The following SH3PXD2B variants were observed in gnomAD, a reference collection of about 807,000 sequenced individuals.
SH3PXD2B encodes the protein SH3 and PX domains 2B, also known as SH3 and PX domain-containing protein 2B.
SH3PXD2B carries 37 observed loss-of-function variants against 73.1 expected under a neutral mutation model. That is an observed-to-expected ratio of 0.51 (90% CI 0.39 to 0.67). The LOEUF is 0.67. Among genes scored for constraint, SH3PXD2B ranks in the 30% least tolerant of loss-of-function variants. The pLI is 0.00. For synonymous variants in SH3PXD2B, 457 were observed against 480.5 expected, an observed-to-expected ratio of 0.95 and a Z score of 0.64; for missense variants, 1,053 against 1,197.8, an observed-to-expected ratio of 0.88 and a Z score of 1.78.
intron 1 of SH3PXD2B, among the ~76,000 whole-genome samples, chr5:172,424,228 C>T (rs1759041436): frequency 6.6e-6 from 1 of 152,334 alleles, no homozygotes; most frequent in African/African-American, 2.4e-5. Flanking sequence ...AGTTGGGTTT[C>T]TGACCCACGT....
chr5:172,347,158 C>T lies in SH3PXD2B; in HGVS notation c.1062+125G>A. On this transcript the variant is annotated intron_variant, in intron 11 of 12. Coordinates refer to ENST00000311601, the MANE Select transcript of SH3PXD2B (RefSeq NM_001017995.3). ...ACTAGCATTTCTACAGCCTGCTTCACAAGGCTGTTGTGTGGACAGGAAAGA... is the reference window on the plus strand; with the variant it reads ...ACTAGCATTTCTACAGCCTGCTTCATAAGGCTGTTGTGTGGACAGGAAAGA... 3 of 952,712 alleles carry T rather than the reference C, an allele frequency of 3.1e-6. No individual in the cohort carries two copies. In the South Asian group the frequency reaches 4.3e-5, roughly 14 times the overall value. The allele number at this position is 952,712 out of a possible 1,614,324, so 59.0% of individuals were successfully genotyped here.
At chr5:172,428,699 G>A (rs1019197270) in intron 1 of SH3PXD2B, among the ~76,000 whole-genome samples, 1 of 152,222 alleles carries the variant, frequency 6.6e-6, no homozygotes, top group Non-Finnish European at 1.5e-5. Flanking sequence ...TCCAGGTGAT[G>A]CAATGTGAAG....
chr5:172,408,914 A>G (rs911121671), intron 2 of SH3PXD2B, among the ~76,000 whole-genome samples: 12 of 152,196 alleles, frequency 7.9e-5, no homozygotes, highest in Non-Finnish European at 1.3e-4. Context: ...TTCATGGGGT[A>G]CATTAGTAAT....
At chr5:172,360,897 A>C (rs1411764282) in intron 7 of SH3PXD2B, among the ~76,000 whole-genome samples, 1 of 152,188 alleles carries the variant, frequency 6.6e-6, no homozygotes, top group Non-Finnish European at 1.5e-5. Flanking sequence ...ACTTGTTGGA[A>C]TCTAACCTAA....
chr5:172,421,820 G>A lies in SH3PXD2B; in HGVS notation c.156+596C>T, dbSNP rs1758968500. ...ACAAACCCAGCTCACCAGCAAACAC[G>A]ATTATTGTTTAAAACTTAAGTTCAA... is the stretch of plus-strand genomic sequence containing the variant. On this transcript the variant is annotated intron_variant, in intron 2 of 12. Coordinates refer to ENST00000311601, the MANE Select transcript of SH3PXD2B (RefSeq NM_001017995.3). The surrounding 1 kb of genome is among the most constrained non-coding windows in gnomAD (Gnocchi z 4.0). Among the ~76,000 whole-genome samples the A allele has an allele frequency of 6.6e-6, 1 of 152,144 alleles. No homozygotes were observed. Among genetic ancestry groups the A allele is most frequent in the East Asian group, 1.9e-4 (1 of 5,192 alleles).
chr5:172,357,992 C>T (rs889601924), intron 8 of SH3PXD2B, among the ~76,000 whole-genome samples: 1 of 152,164 alleles, frequency 6.6e-6, no homozygotes, highest in African/African-American at 2.4e-5. Flanking sequence ...GTTCTAGGTT[C>T]TTTGCATGTG....
chr5:172,370,917 C>G (rs1334401556), intron 6 of SH3PXD2B, among the ~76,000 whole-genome samples: 1 of 152,088 alleles, frequency 6.6e-6, no homozygotes, highest in Non-Finnish European at 1.5e-5. Context: ...TTGCGGCAGG[C>G]AACTAAAGCT....
chr5:172,360,355 C>T (rs1198342979), intron 7 of SH3PXD2B, among the ~76,000 whole-genome samples: 1 of 152,046 alleles, frequency 6.6e-6, no homozygotes, highest in Non-Finnish European at 1.5e-5. Flanking sequence ...ATGGGGAAGC[C>T]GAGGCTCAGC....
intron 4 of SH3PXD2B, among the ~76,000 whole-genome samples, chr5:172,393,600 G>A (rs544214186): frequency 3.4e-4 from 52 of 152,160 alleles, no homozygotes; most frequent in Non-Finnish European, 6.3e-4. Flanking sequence ...AGACATGTAA[G>A]GGTAAACATA....
chr5:172,391,391 G>T (rs4868165), intron 4 of SH3PXD2B, among the ~76,000 whole-genome samples: 61,065 of 152,052 alleles, frequency 0.4, 12,997 homozygotes, highest in East Asian at 0.66. Context: ...TTGAGTTCTT[G>T]GTGTATGTTC....
intron 1 of SH3PXD2B, among the ~76,000 whole-genome samples, chr5:172,439,210 A>T (rs558756568): frequency 5.6e-4 from 81 of 144,686 alleles, no homozygotes; most frequent in Non-Finnish European, 9.8e-4. Context: ...ACTGCACTCC[A>T]GCCTGGGCCA....
In SH3PXD2B at chr5:172,336,940, G is replaced by A. The variant is rs189080320; in HGVS notation, c.*1429C>T. 1.2e-4 allele frequency: 115 copies of A among 985,558 alleles called. No homozygotes were observed. The East Asian group carries it at 7.7e-3, about 66-fold the overall frequency. 61.1% of individuals were successfully genotyped at this position (985,558 alleles called of 1,614,324 possible). On this transcript the variant is annotated 3_prime_UTR_variant, in exon 13 of 13. Transcript: ENST00000311601. ...AAAAGAAAAAAACATTACAAATGCC[G>A]GAGAGGCACAGGAAGCAGCTCTGCC...
At position 172,353,443 on chromosome 5, in the gene SH3PXD2B, G is replaced by A. The variant is rs538334012; in HGVS notation, c.785+445C>T. ...TGTGAAAGGTGTTTGGAATGCAGAC[G>A]CCCTGCTTTTACCATTGGACTTTGA... On this transcript the variant is annotated intron_variant, in intron 9 of 12. Transcript: ENST00000311601. This position sits in a 1 kb window ranked among gnomAD's most constrained non-coding sequence, Gnocchi z 4.3. Among the ~76,000 whole-genome samples the A allele has an allele frequency of 1.9e-4, 29 of 152,324 alleles. No homozygotes were observed. The highest frequency in any genetic ancestry group is 1.5e-3 in the Admixed American group (23 of 15,304).
intron 8 of SH3PXD2B, among the ~76,000 whole-genome samples, chr5:172,355,795 C>T (rs113358034): frequency 0.039 from 5,986 of 152,170 alleles, 379 homozygotes; most frequent in African/African-American, 0.14. Flanking sequence ...CCGCCCGCCT[C>T]GGCCTCCCAA....
At position 172,394,611 on chromosome 5, in the gene SH3PXD2B, G is replaced by A. The variant is rs1758254964; in HGVS notation, c.261C>T (p.Ile87=). 1 of 1,614,018 alleles carries A rather than the reference G, an allele frequency of 6.2e-7. No homozygotes were observed. Among genetic ancestry groups the A allele is most frequent in the African/African-American group, 1.3e-5 (1 of 74,938 alleles). ...PGKILFRRSH[I]RDVAVKRLIP... ...TCAGGCGTTTGACAGCCACGTCCCG[G>A]ATGTGGCTTCGTCTGAAGAGAATCT... The change falls in exon 4 of 13, where the codon ATC becomes ATT. Residue 87 remains isoleucine (I), a synonymous_variant. Transcript: ENST00000311601.
downstream of SH3PXD2B, among the ~76,000 whole-genome samples, chr5:172,328,567 TGA>T (rs1340385827): frequency 9.2e-5 from 14 of 152,138 alleles, no homozygotes; most frequent in African/African-American, 3.1e-4. Context: ...CAGAATTAAC[TGA>T]GAGAGTGGGA....
intron 6 of SH3PXD2B, among the ~76,000 whole-genome samples, chr5:172,367,942 A>T (rs1278551107): frequency 2.0e-5 from 3 of 152,152 alleles, no homozygotes; most frequent in Non-Finnish European, 4.4e-5. Context: ...TCACTCCTGG[A>T]CTATCTTTGG....
intron 1 of SH3PXD2B, among the ~76,000 whole-genome samples, chr5:172,424,784 C>T (rs1759058515): frequency 6.6e-6 from 1 of 151,820 alleles, no homozygotes; most frequent in Non-Finnish European, 1.5e-5. Flanking sequence ...GCTTTCTTAT[C>T]TGGTAAAATG....
chr5:172,430,774 C>T (rs1481785574), intron 1 of SH3PXD2B, among the ~76,000 whole-genome samples: 2 of 152,234 alleles, frequency 1.3e-5, no homozygotes, highest in African/African-American at 4.8e-5. Context: ...CCAAAAGCCA[C>T]TTTTCTTAAA....
Sources: allele counts gnomAD v4.1 joint callset (sites outside exome capture counted in the v4.1 genomes callset), GRCh38; gene constraint gnomAD v4.1.1; non-coding constraint Gnocchi (gnomAD v3.1); transcripts MANE v1.5; gene names NCBI Gene and HGNC (gene_info 2026-07-23, HGNC 2026-07-21).